Variants in NEBL observed in about 807,000 individuals in gnomAD.
NEBL encodes the protein LIM and SH3 protein 2.
A neutral mutation model predicts 140.2 loss-of-function variants in NEBL; 122 were observed. That is an observed-to-expected ratio of 0.87 (90% confidence interval 0.75 to 1.01). NEBL has a LOEUF of 1.01. Among genes scored for constraint, NEBL ranks in the 50% least tolerant of loss-of-function variants. The pLI is 0.00. For synonymous variants in NEBL, 436 were observed against 398.9 expected (o/e 1.09, Z -1.11); for missense variants, 1,365 against 1,231.3 (o/e 1.11, Z -1.62).
At chr10:21,288,850 A>ATATATATATATATATATAT (rs1554836851) in intron 1 of NEBL, among the ~76,000 whole-genome samples, 66 of 73,276 alleles carry the variant, frequency 9.0e-4, no homozygotes, top group Admixed American at 1.2e-3. Context: ...ATATATATAT[A>ATATATATATATATATATAT]AAAATTTTTT....
rs1254207345 is a variant in NEBL at position 20,831,668 on chromosome 10, C to T, written c.1450-85G>A. On this transcript the variant is annotated intron_variant, in intron 14 of 27. Transcript: ENST00000377122. The stretch of plus-strand genomic sequence containing the variant: ...TCGAGATGTCATTTTGACATTAAGA[C>T]CATGTCTTTTGGAATGAAGTTGAAT... 44 of 856,572 alleles carry T rather than the reference C, an allele frequency of 5.1e-5. No individual in the cohort carries two copies. In the East Asian group the frequency reaches 9.9e-4, roughly 19 times the overall value. 53.1% of individuals were successfully genotyped at this position (856,572 alleles called of 1,614,324 possible).
chr10:21,193,295 T>C (rs1222698548), intron 3 of NEBL, among the ~76,000 whole-genome samples: 1 of 152,126 alleles, frequency 6.6e-6, no homozygotes, highest in Admixed American at 6.5e-5. Flanking sequence ...ACACAGCTAG[T>C]AGCTGGAACT....
chr10:20,962,817 T>C (rs1358240632), intron 3 of NEBL, among the ~76,000 whole-genome samples: 2 of 152,124 alleles, frequency 1.3e-5, no homozygotes, highest in Non-Finnish European at 2.9e-5. Context: ...TAATTTAGGG[T>C]TGCCTATTCA....
intron 3 of NEBL, among the ~76,000 whole-genome samples, chr10:21,195,220 T>C (rs749052457): frequency 6.6e-6 from 1 of 152,162 alleles, no homozygotes; most frequent in Non-Finnish European, 1.5e-5. Context: ...GTCATCCTTA[T>C]GAAAGGAAGA....
chr10:20,870,831 T>G (rs1051945528), intron 5 of NEBL, among the ~76,000 whole-genome samples: 1 of 152,214 alleles, frequency 6.6e-6, no homozygotes, highest in Admixed American at 6.5e-5. Context: ...AAGAGAAAAA[T>G]ACATAAACTT....
At chr10:21,284,036 TAA>T (rs5783774) in intron 1 of NEBL, among the ~76,000 whole-genome samples, 1,408 of 67,600 alleles carry the variant, frequency 0.021, 11 homozygotes, top group African/African-American at 0.043. Flanking sequence ...TAATCTGCAC[TAA>T]AAAAAAAAAA....
At chr10:20,791,562 A>AT (rs879482594) in intron 26 of NEBL, among the ~76,000 whole-genome samples, 136 of 146,454 alleles carry the variant, frequency 9.3e-4, no homozygotes, top group African/African-American at 2.7e-3. Flanking sequence ...TGCCCAGCTG[A>AT]TTTTTTTTTT....
intron 11 of NEBL, among the ~76,000 whole-genome samples, chr10:20,847,752 G>A (rs990002311): frequency 6.6e-5 from 10 of 152,246 alleles, no homozygotes; most frequent in African/African-American, 1.9e-4. Flanking sequence ...GAAAATGTAT[G>A]TTAACAGCTT....
At chr10:21,051,571 A>C (rs971002753) in intron 2 of NEBL, among the ~76,000 whole-genome samples, 1 of 152,238 alleles carries the variant, frequency 6.6e-6, no homozygotes, top group Admixed American at 6.5e-5. Context: ...CTAAACACAA[A>C]GGAAGAAAGG....
chr10:20,838,695 A>AT (rs1192875083), intron 13 of NEBL, among the ~76,000 whole-genome samples: 1 of 152,130 alleles, frequency 6.6e-6, no homozygotes, highest in East Asian at 1.9e-4. Context: ...GGCAAACTTC[A>AT]TTGTCATCTT....
At chr10:20,872,466 C>A (rs1293501954) in intron 5 of NEBL, among the ~76,000 whole-genome samples, 1 of 152,056 alleles carries the variant, frequency 6.6e-6, no homozygotes, top group African/African-American at 2.4e-5. Context: ...CCAAGGGTGT[C>A]TGAATATATA....
intron 2 of NEBL, among the ~76,000 whole-genome samples, chr10:21,060,548 T>C (rs1328967950): frequency 6.6e-6 from 1 of 152,042 alleles, no homozygotes; most frequent in Non-Finnish European, 1.5e-5. Flanking sequence ...CCTGTAATAT[T>C]TTCCCCCTCT....
chr10:20,817,847 G>A (rs545884588), intron 20 of NEBL, among the ~76,000 whole-genome samples, 155 bp from the exon 21 acceptor site: 40 of 152,122 alleles, frequency 2.6e-4, no homozygotes, highest in Non-Finnish European at 4.7e-4. Flanking sequence ...CCCACATTCC[G>A]ATGGGTCTGA....
At chr10:21,183,662 T>TTTAA (rs1841421000) in intron 3 of NEBL, among the ~76,000 whole-genome samples, 1 of 152,228 alleles carries the variant, frequency 6.6e-6, no homozygotes, top group East Asian at 1.9e-4. Flanking sequence ...TAACTCTGCA[T>TTTAA]TTAAGCTCAG....
At chr10:21,292,993 A>G (rs1052218721) in exon 1 of NEBL, among the ~76,000 whole-genome samples, 1 of 152,202 alleles carries the variant, frequency 6.6e-6, no homozygotes, top group African/African-American at 2.4e-5. Context: ...CCAGGCAGAG[A>G]GCAAGTAAAA....
At chr10:20,952,652 C>T (rs998877047) in intron 4 of NEBL, among the ~76,000 whole-genome samples, 1 of 151,674 alleles carries the variant, frequency 6.6e-6, no homozygotes, top group East Asian at 1.9e-4. Context: ...CGCCTGTAAT[C>T]CCAACACTTT....
chr10:20,878,777 G>A lies in NEBL; in HGVS notation c.480+2017C>T, dbSNP rs188419474. ...CGGCAGAGGAGTATAAGTAAACACA[G>A]CCTTCTCCCATAAGTACACAGTATT... On this transcript the variant is annotated intron_variant, in intron 5 of 27. Coordinates refer to ENST00000377122, the MANE Select transcript of NEBL (RefSeq NM_006393.3). Among the ~76,000 whole-genome samples, 4 of 152,258 alleles carry A rather than the reference G, an allele frequency of 2.6e-5. No individual in the cohort carries two copies. The East Asian group carries it at 7.7e-4, about 29-fold the overall frequency.
intron 19 of NEBL, among the ~76,000 whole-genome samples, chr10:20,822,378 G>T (rs1297525388): frequency 6.6e-6 from 1 of 151,458 alleles, no homozygotes; most frequent in Non-Finnish European, 1.5e-5. Flanking sequence ...TCTATAGATA[G>T]ATATCTATAC....
chr10:21,009,273 GA>G (rs2131735274), intron 3 of NEBL, among the ~76,000 whole-genome samples: 1 of 152,282 alleles, frequency 6.6e-6, no homozygotes, highest in East Asian at 1.9e-4. Context: ...AAATCGCTTG[GA>G]ATTGGTATAT....
Sources: gnomAD v4.1 joint callset for allele counts (sites outside exome capture counted in the v4.1 genomes callset) on GRCh38, gnomAD v4.1.1 for gene constraint, MANE v1.5 for transcripts, NCBI Gene and HGNC (gene_info 2026-07-23, HGNC 2026-07-21) for gene names.